The following CFAP70 variants were observed in gnomAD, a reference collection of about 807,000 sequenced individuals.
CFAP70 encodes the protein cilia- and flagella-associated protein 70.
Under a neutral mutation model 137.6 loss-of-function variants are expected in CFAP70, and 81 were observed. The ratio of observed to expected loss-of-function variants is 0.59; its 90% CI spans 0.49 to 0.71. The LOEUF is 0.71. Ranked by LOEUF, CFAP70 falls within the 30% of genes least tolerant of loss-of-function variation. The pLI is 0.00. For missense variants in CFAP70, 976 were observed against 1,226.7 expected (o/e 0.80, Z 3.05); for synonymous variants, 382 against 423.6 (o/e 0.90, Z 1.20).
chr10:73,343,913 T>C (rs1407734446), intron 5 of CFAP70, among the ~76,000 whole-genome samples: 1 of 151,914 alleles, frequency 6.6e-6, no homozygotes, highest in African/African-American at 2.4e-5. Flanking sequence ...TATGATAAAC[T>C]ATAAATTGAC....
In CFAP70 at chr10:73,308,658, A is replaced by G. The variant is rs575167066; in HGVS notation, c.1256+1500T>C. Among the ~76,000 whole-genome samples the G allele has an allele frequency of 3.2e-4, 48 of 151,854 alleles. 2 individuals carry two copies. In the South Asian group the frequency reaches 9.4e-3, roughly 30 times the overall value. On this transcript the variant is annotated intron_variant, in intron 12 of 26. Coordinates refer to ENST00000310715, the Ensembl canonical transcript of CFAP70. ...AAAAAAAAAAAAAGATTGAAATCAT[A>G]TGAAGCATATTTTCTGATCACAAGG... is the stretch of plus-strand genomic sequence containing the variant.
At chr10:73,348,580 G>A in intron 3 of CFAP70, 59 bp from the exon 4 acceptor site, 1 of 1,118,380 alleles carries the variant, frequency 8.9e-7, no homozygotes, top group Non-Finnish European at 1.3e-6. Context: ...CGATAACCAA[G>A]CTGCAACAAA....
chr10:73,286,495 A>T (rs2047724306), intron 19 of CFAP70, among the ~76,000 whole-genome samples: 1 of 152,214 alleles, frequency 6.6e-6, no homozygotes, highest in Non-Finnish European at 1.5e-5. Flanking sequence ...CTCAAACTAA[A>T]TTAGTTTACC....
intron 25 of CFAP70, among the ~76,000 whole-genome samples, chr10:73,260,403 T>G (rs2045036962): frequency 6.6e-6 from 1 of 152,204 alleles, no homozygotes; most frequent in African/African-American, 2.4e-5. Context: ...GAACTAATTT[T>G]TTTTTTAATA....
At chr10:73,266,172 TTGA>T (rs2133652383) in intron 25 of CFAP70, among the ~76,000 whole-genome samples, 1 of 152,310 alleles carries the variant, frequency 6.6e-6, no homozygotes, top group East Asian at 1.9e-4. Flanking sequence ...GATTTTTATA[TTGA>T]TTTTTATCCA....
chr10:73,358,033 CCTT>C (rs1317832027), intron 1 of CFAP70, among the ~76,000 whole-genome samples: 1 of 152,238 alleles, frequency 6.6e-6, no homozygotes, highest in East Asian at 1.9e-4. Context: ...CTCAGTTTCA[CCTT>C]CTGTAAAATG....
At chr10:73,349,369 C>T (rs2054001161) in intron 3 of CFAP70, among the ~76,000 whole-genome samples, 1 of 151,948 alleles carries the variant, frequency 6.6e-6, no homozygotes, top group Non-Finnish European at 1.5e-5. Flanking sequence ...GAAACCCCAT[C>T]TCTACTAAAA....
At chr10:73,274,129 A>C (rs2046520415) in intron 23 of CFAP70, among the ~76,000 whole-genome samples, 1 of 152,232 alleles carries the variant, frequency 6.6e-6, no homozygotes, top group Non-Finnish European at 1.5e-5. Flanking sequence ...TCTGTTAAGT[A>C]AGTCAAGCTA....
chr10:73,311,728 G>A, intron 11 of CFAP70, 106 bp downstream of exon 12: 1 of 925,218 alleles, frequency 1.1e-6, no homozygotes. Context: ...GGGCAAATAT[G>A]GAATGATAAC....
chr10:73,342,243 A>C (rs1208236187), intron 5 of CFAP70, among the ~76,000 whole-genome samples: 2 of 152,224 alleles, frequency 1.3e-5, no homozygotes, highest in African/African-American at 4.8e-5. Flanking sequence ...TGCACATTAA[A>C]ACAATGAGAT....
rs766890256 is a variant in CFAP70, at chr10:73,311,900, T to C, written c.1098A>G (p.Ile366Met). The C allele has an allele frequency of 9.9e-6, 16 of 1,613,768 alleles. No homozygotes were observed. The Admixed American group carries it at 2.2e-4, about 22-fold the overall frequency. The change falls in exon 11 of 27, where the codon ATA becomes ATG. Residue 366 changes from isoleucine to methionine, a missense_variant. Transcript: ENST00000310715. ...AAGGAGTATCTGAGCTCTGAGATTTTATACTAGGTGCCTGCTGAAAGAAAA... is the reference window on the plus strand; with the variant it reads ...AAGGAGTATCTGAGCTCTGAGATTTCATACTAGGTGCCTGCTGAAAGAAAA...
At chr10:73,301,131 AG>A (rs1273806367) in intron 12 of CFAP70, among the ~76,000 whole-genome samples, 1 of 152,222 alleles carries the variant, frequency 6.6e-6, no homozygotes, top group Non-Finnish European at 1.5e-5. Flanking sequence ...TTCACCAGGA[AG>A]GCCTCGCTGA....
chr10:73,336,435 C>T (rs1363344025), intron 6 of CFAP70, among the ~76,000 whole-genome samples: 1 of 152,054 alleles, frequency 6.6e-6, no homozygotes, highest in African/African-American at 2.4e-5. Flanking sequence ...ATATTCCTAG[C>T]CTCAGGTCTA....
chr10:73,268,429 T>C (rs1263209462), intron 25 of CFAP70, among the ~76,000 whole-genome samples: 1 of 152,238 alleles, frequency 6.6e-6, no homozygotes, highest in Non-Finnish European at 1.5e-5. Context: ...AAAGAATATG[T>C]GTCCTCTCAT....
chr10:73,316,339 T>C (rs2132138314), intron 9 of CFAP70, among the ~76,000 whole-genome samples: 1 of 151,268 alleles, frequency 6.6e-6, no homozygotes, highest in South Asian at 2.1e-4. Flanking sequence ...GTTGAAATAC[T>C]TAGATTTTTA....
rs573868674 is a variant in CFAP70 at position 73,350,703 on chromosome 10, T to C, written c.251-2182A>G. ...ATTATTTTAATTCCATGATTTCTTATGGTACTTACATGATTTAATTTTTTA... is the reference window on the plus strand; with the variant it reads ...ATTATTTTAATTCCATGATTTCTTACGGTACTTACATGATTTAATTTTTTA... On this transcript the variant is annotated intron_variant, in intron 3 of 26. Coordinates refer to ENST00000310715, the Ensembl canonical transcript of CFAP70. 1.8e-3 allele frequency among the ~76,000 whole-genome samples: 277 copies of C among 152,296 alleles called. 2 individuals carry two copies. The highest frequency in any genetic ancestry group is 6.3e-3 in the African/African-American group (261 of 41,574).
intron 11 of CFAP70, 137 bp downstream of exon 12, chr10:73,311,697 A>G (rs2049934341): frequency 2.6e-6 from 2 of 757,362 alleles, no homozygotes; most frequent in East Asian, 2.5e-5. Flanking sequence ...AATTTGCCCA[A>G]AGTCATAGAC....
exon 16 of CFAP70, chr10:73,293,300 T>C: frequency 6.2e-7 from 1 of 1,612,508 alleles, no homozygotes; most frequent in South Asian, 1.1e-5. Flanking sequence ...AAAGTTCTCA[T>C]TGACTTCTGC....
At chr10:73,360,530 C>G (rs188420823), upstream of CFAP70, among the ~76,000 whole-genome samples, 1 of 152,096 alleles carries the variant, frequency 6.6e-6, no homozygotes, top group African/African-American at 2.4e-5. Flanking sequence ...TATATACACA[C>G]GCATAACCAC....
Sources: gnomAD v4.1 joint callset for allele counts (sites outside exome capture counted in the v4.1 genomes callset) on GRCh38, gnomAD v4.1.1 for gene constraint, MANE v1.5 for transcripts, NCBI Gene and HGNC (gene_info 2026-07-23, HGNC 2026-07-21) for gene names.